The following TAFA5 variants were observed in gnomAD, a reference collection of about 807,000 sequenced individuals.
TAFA5 encodes the protein TAFA chemokine like family member 5, also known as chemokine-like protein TAFA-5.
Under a neutral mutation model 15.3 loss-of-function variants are expected in TAFA5, and 6 were observed. The ratio of observed to expected loss-of-function variants is 0.39; its 90% CI spans 0.21 to 0.77. The LOEUF (loss-of-function observed/expected upper bound fraction) is 0.77, where lower values mean the gene tolerates loss of function less well. Ranked by LOEUF, TAFA5 falls within the 30% of genes least tolerant of loss-of-function variation. The pLI, the probability that TAFA5 is intolerant of heterozygous loss-of-function variation, is 0.41. For missense variants in TAFA5, 161 were observed against 193.1 expected, an observed-to-expected ratio of 0.83 and a Z score of 0.98; for synonymous variants, 103 against 80.7, an observed-to-expected ratio of 1.28 and a Z score of -1.48.
At chr22:48,575,762 G>C (rs1451536071) in intron 1 of TAFA5, among the ~76,000 whole-genome samples, 1 of 144,454 alleles carries the variant, frequency 6.9e-6, no homozygotes, top group Admixed American at 6.8e-5. Flanking sequence ...CCCGGGCCGC[G>C]CAAGTTCGAT....
intron 1 of TAFA5, among the ~76,000 whole-genome samples, chr22:48,494,041 A>C (rs1928242665): frequency 6.6e-6 from 1 of 152,182 alleles, no homozygotes; most frequent in African/African-American, 2.4e-5. Context: ...CCCAAGAAGG[A>C]GGCTCCACCT....
chr22:48,489,621 G>A lies in TAFA5; in HGVS notation c.29G>A (p.Arg10Gln). The change falls in exon 1 of 4, where the codon CGG (arginine) becomes CAG (glutamine). Residue 10 changes from arginine to glutamine, a missense_variant. By Grantham distance (43) the Arg-to-Gln change is conservative. Coordinates refer to ENST00000402357, the MANE Select transcript of TAFA5 (RefSeq NM_001082967.3). The surrounding 1 kb of genome is among the most constrained non-coding windows in gnomAD (Gnocchi z 5.5). The part of the protein sequence containing the change: MAPSPRTGS[R>Q]QDATALPSMS... ...GCGCCATCGCCCAGGACCGGCAGCC[G>A]GCAAGATGCGACCGCCCTGCCCAGC... The A allele has an allele frequency of 1.3e-6, 2 of 1,508,212 alleles. No individual in the cohort carries two copies. Among genetic ancestry groups the A allele is most frequent in the Non-Finnish European group, 1.8e-6 (2 of 1,126,868 alleles). 93.4% of individuals were successfully genotyped at this position (1,508,212 alleles called of 1,614,324 possible). A position where few individuals can be genotyped will look rare whatever the true frequency, so the allele number is the denominator to read the frequency against.
chr22:48,540,865 T>C lies in TAFA5; in HGVS notation c.112+51161T>C, dbSNP rs1275629133. 2.9e-5 allele frequency among the ~76,000 whole-genome samples: 4 copies of C among 136,612 alleles called. No individual in the cohort carries two copies. The East Asian group carries it at 8.9e-4, about 30-fold the overall frequency. The allele number at this position is 136,612 out of a possible 152,430, so 89.6% of individuals were successfully genotyped here. A position where few individuals can be genotyped will look rare whatever the true frequency, so the allele number is the denominator to read the frequency against. On this transcript the variant is annotated intron_variant, in intron 1 of 3. Coordinates refer to ENST00000402357, the MANE Select transcript of TAFA5 (RefSeq NM_001082967.3). ...TTGTGTTTGCCTGTCAGACCATTTT[T>C]CATTGACAGTAAAAAAAAAAAAAAA...
intron 1 of TAFA5, among the ~76,000 whole-genome samples, chr22:48,633,183 A>G (rs576093391): frequency 7.9e-4 from 121 of 152,318 alleles, no homozygotes; most frequent in Non-Finnish European, 1.5e-3. Flanking sequence ...GGAGGACTCC[A>G]GAGCCGACCT....
intron 1 of TAFA5, among the ~76,000 whole-genome samples, chr22:48,600,368 G>A (rs1160504624): frequency 6.6e-6 from 1 of 152,218 alleles, no homozygotes; most frequent in Non-Finnish European, 1.5e-5. Context: ...ACTTGCGCAG[G>A]TCCAGCGGGG....
intron 1 of TAFA5, among the ~76,000 whole-genome samples, chr22:48,520,896 G>T (rs868062870): frequency 6.6e-6 from 1 of 152,176 alleles, no homozygotes; most frequent in Non-Finnish European, 1.5e-5. Context: ...GCCAGGGGGG[G>T]TCGCAGGGTG....
chr22:48,673,362 C>T (rs539990052), intron 2 of TAFA5, among the ~76,000 whole-genome samples: 1 of 152,306 alleles, frequency 6.6e-6, no homozygotes, highest in South Asian at 2.1e-4. Context: ...CCTCTCTGTG[C>T]CTCTGCTTCC....
At chr22:48,635,106 G>A (rs1926398178) in intron 1 of TAFA5, among the ~76,000 whole-genome samples, 2 of 152,222 alleles carry the variant, frequency 1.3e-5, no homozygotes, top group South Asian at 2.1e-4. Context: ...GACGGAGAAC[G>A]CAGAGCACAG....
chr22:48,717,682 C>G (rs1292612669), intron 3 of TAFA5, among the ~76,000 whole-genome samples: 1 of 152,238 alleles, frequency 6.6e-6, no homozygotes, highest in African/African-American at 2.4e-5. Flanking sequence ...CTGCAGGTGC[C>G]ATTGGAGAGT....
At chr22:48,547,123 A>T (rs1404108149) in intron 1 of TAFA5, 1 of 152,608 alleles carries the variant, frequency 6.6e-6, no homozygotes, top group African/African-American at 2.4e-5. Context: ...AATAGAAATG[A>T]TCAAAACGTC....
At chr22:48,496,195 A>T (rs535747128) in intron 1 of TAFA5, among the ~76,000 whole-genome samples, 4 of 152,266 alleles carry the variant, frequency 2.6e-5, no homozygotes. Flanking sequence ...TGTGGTGGCC[A>T]CTGTCGGGGT....
intron 1 of TAFA5, among the ~76,000 whole-genome samples, chr22:48,535,922 G>C (rs557780141): frequency 6.6e-6 from 1 of 152,234 alleles, no homozygotes; most frequent in Non-Finnish European, 1.5e-5. Context: ...CATATACGTA[G>C]GTGTGAGCAC....
intron 2 of TAFA5, among the ~76,000 whole-genome samples, chr22:48,692,846 C>T (rs958934234): frequency 8.5e-5 from 13 of 152,230 alleles, no homozygotes; most frequent in Non-Finnish European, 1.8e-4. Context: ...CCTCAGGCCC[C>T]GTTGGGCCCA....
chr22:48,591,156 A>G (rs1924553734), intron 1 of TAFA5, among the ~76,000 whole-genome samples: 1 of 152,238 alleles, frequency 6.6e-6, no homozygotes, highest in Non-Finnish European at 1.5e-5. Context: ...CTTAGTTGAA[A>G]CACACATTTC....
At chr22:48,726,782 G>T (rs528193215) in intron 3 of TAFA5, among the ~76,000 whole-genome samples, 1 of 152,344 alleles carries the variant, frequency 6.6e-6, no homozygotes, top group South Asian at 2.1e-4. Context: ...AGTTTATATG[G>T]CATTTTCAAA....
At chr22:48,624,646 C>T (rs772439486) in intron 1 of TAFA5, among the ~76,000 whole-genome samples, 5 of 152,156 alleles carry the variant, frequency 3.3e-5, no homozygotes, top group Non-Finnish European at 2.9e-5. Context: ...TCGTGGGCTC[C>T]GTTGGCACAG....
chr22:48,503,236 G>C (rs900406328), intron 1 of TAFA5, among the ~76,000 whole-genome samples: 6 of 152,256 alleles, frequency 3.9e-5, no homozygotes, highest in Admixed American at 6.5e-5. Flanking sequence ...CTGCCCCTGG[G>C]AAGGACCTCG....
At chr22:48,693,955 C>A (rs1243616212) in intron 2 of TAFA5, among the ~76,000 whole-genome samples, 1 of 152,202 alleles carries the variant, frequency 6.6e-6, no homozygotes, top group Non-Finnish European at 1.5e-5. Context: ...ACCCTCCTGT[C>A]TTCTGTAGAC....
intron 1 of TAFA5, among the ~76,000 whole-genome samples, chr22:48,637,249 C>T (rs1428104053): frequency 6.6e-6 from 1 of 152,156 alleles, no homozygotes; most frequent in African/African-American, 2.4e-5. Flanking sequence ...CATGCGTGTA[C>T]CTCACTAAAT....
Sources: allele counts gnomAD v4.1 joint callset (sites outside exome capture counted in the v4.1 genomes callset), GRCh38; gene constraint gnomAD v4.1.1; non-coding constraint Gnocchi (gnomAD v3.1); transcripts MANE v1.5; gene names NCBI Gene and HGNC (gene_info 2026-07-23, HGNC 2026-07-21).